Variants in BAZ2B observed in about 807,000 individuals in gnomAD.
The protein encoded by BAZ2B is bromodomain adjacent to zinc finger domain protein 2B.
In BAZ2B, 91 loss-of-function variants were observed where a neutral mutation model predicts 246.0. The ratio of observed to expected loss-of-function variants is 0.37; its 90% confidence interval spans 0.31 to 0.44. The LOEUF (loss-of-function observed/expected upper bound fraction) is 0.44. BAZ2B is among the 20% of genes least tolerant of loss of function. BAZ2B has a pLI of 1.00. For missense variants in BAZ2B, 2,332 were observed against 2,533.7 expected (o/e 0.92, Z 1.71); for synonymous variants, 855 against 860.0 (o/e 0.99, Z 0.10).
At chr2:159,683,471 C>G in the BAZ2B span, among the ~76,000 whole-genome samples, 1 of 152,176 alleles carries the variant, frequency 6.6e-6, no homozygotes, top group Non-Finnish European at 1.5e-5. Flanking sequence ...ACCACCACAA[C>G]CAAAATATAG....
intron 3 of BAZ2B, among the ~76,000 whole-genome samples, chr2:159,456,744 G>A (rs1362614510): frequency 2.0e-5 from 3 of 152,086 alleles, no homozygotes; most frequent in Non-Finnish European, 4.4e-5. Context: ...CCTTAGTGAC[G>A]ACTGAGTCTT....
chr2:159,431,439 T>C (rs1474293311), intron 9 of BAZ2B, among the ~76,000 whole-genome samples: 2 of 152,216 alleles, frequency 1.3e-5, no homozygotes, highest in African/African-American at 4.8e-5. Context: ...AAAATAATTT[T>C]TTATTTAACA....
chr2:159,496,374 C>T (rs13033410), intron 2 of BAZ2B, among the ~76,000 whole-genome samples: 1 of 36,354 alleles, frequency 2.8e-5, no homozygotes, highest in African/African-American at 1.0e-4. Context: ...AAGACTCCAT[C>T]TAAAAAAAAA....
intron 1 of BAZ2B, among the ~76,000 whole-genome samples, chr2:159,582,138 T>G (rs374584182): frequency 4.3e-4 from 66 of 152,342 alleles, no homozygotes; most frequent in African/African-American, 1.4e-3. Context: ...CATGGCAGAC[T>G]TCTGTTGCAT....
rs1259986781 is a variant in BAZ2B, at chr2:159,497,189, G to T, written c.-2-18468C>A. On this transcript the variant is annotated intron_variant, in intron 2 of 36. Transcript: ENST00000392783. ...TGCTCACTTCACTAAATTCGGAGTA[G>T]TGAGAGGGGTACAAAGGAGATGCAA... 5.9e-5 allele frequency among the ~76,000 whole-genome samples: 9 copies of T among 152,282 alleles called. No homozygotes were observed. The South Asian group carries it at 1.0e-3, about 18-fold the overall frequency.
the BAZ2B span, among the ~76,000 whole-genome samples, chr2:159,622,824 C>T: frequency 1.3e-5 from 2 of 151,892 alleles, no homozygotes; most frequent in Non-Finnish European, 2.9e-5. Context: ...CATGATGAGA[C>T]TGTCTCTACA....
intron 1 of BAZ2B, among the ~76,000 whole-genome samples, chr2:159,592,925 A>G (rs970433052): frequency 8.5e-5 from 13 of 152,222 alleles, no homozygotes; most frequent in African/African-American, 2.2e-4. Flanking sequence ...TTGATAAAGT[A>G]TCTTATTCAT....
intron 1 of BAZ2B, among the ~76,000 whole-genome samples, chr2:159,564,520 TAAG>T (rs995081591): frequency 6.6e-6 from 1 of 152,050 alleles, no homozygotes. Context: ...CAGGTAGAAA[TAAG>T]AAGACTATCA....
chr2:159,695,435 C>A, the BAZ2B span: 1 of 151,056 alleles, frequency 6.6e-6, no homozygotes, highest in Admixed American at 6.6e-5. Flanking sequence ...AAAAAAAAAC[C>A]ACTAGTAAGT....
intron 3 of BAZ2B, chr2:159,463,590 T>C (rs1396968679): frequency 6.6e-6 from 1 of 152,388 alleles, no homozygotes; most frequent in Non-Finnish European, 1.5e-5. Flanking sequence ...TGTGAGATGA[T>C]AGCTCATTGT....
At chr2:159,646,035 G>A in the BAZ2B span, among the ~76,000 whole-genome samples, 15 of 152,068 alleles carry the variant, frequency 9.9e-5, no homozygotes, top group African/African-American at 2.7e-4. Flanking sequence ...AGCAACCAAC[G>A]GGTCTGACCA....
intron 2 of BAZ2B, among the ~76,000 whole-genome samples, chr2:159,532,750 G>A (rs184782142): frequency 6.6e-6 from 1 of 152,208 alleles, no homozygotes. Flanking sequence ...CTGATAAAAG[G>A]ATTCTGTGTC....
Position 159,432,782 on chromosome 2 carries a change from A to T in BAZ2B, c.1875T>A (p.Asp625Glu), listed in dbSNP as rs1559394591. ...DEEEDEEDDEDDESDDSQSES... is the reference protein window; with the variant it reads ...DEEEDEEDDEEDESDDSQSES... The stretch of plus-strand genomic sequence containing the variant: ...CTGATTGGCTGTCATCAGATTCATC[A>T]TCTTCATCATCTTCCTCATCTTCTT... The change falls in exon 9 of 37, where the codon GAT (aspartate) becomes GAA (glutamate). Residue 625 changes from aspartate (D) to glutamate (E), a missense_variant. Asp to Glu is a conservative substitution (Grantham distance 45). Transcript: ENST00000392783. 1.9e-6 allele frequency: 3 copies of T among 1,612,780 alleles called. No homozygotes were observed. In the East Asian group the frequency reaches 6.7e-5, roughly 36 times the overall value.
chr2:159,555,120 GTC>G (rs2088921912), intron 2 of BAZ2B, among the ~76,000 whole-genome samples: 1 of 144,328 alleles, frequency 6.9e-6, no homozygotes, highest in Non-Finnish European at 1.5e-5. Flanking sequence ...TAGAGATGGA[GTC>G]TCTCTATTGC....
chr2:159,324,625 T>TAC (rs60009917), intron 36 of BAZ2B, among the ~76,000 whole-genome samples, 186 bp downstream of exon 36: 18 of 133,048 alleles, frequency 1.4e-4, no homozygotes, highest in Non-Finnish European at 1.6e-4. Flanking sequence ...TCTAACCAAA[T>TAC]ACACACACAC....
chr2:159,448,426 C>T lies in BAZ2B; in HGVS notation c.335-17G>A. The stretch of plus-strand genomic sequence containing the variant: ...ATTCTGCACCTCAAAACCAAACAAA[C>T]CAACCAAACAAAAATATATAAATTA... On this transcript the variant is annotated splice_polypyrimidine_tract_variant and intron_variant, in intron 4 of 36. Coordinates refer to ENST00000392783, the MANE Select transcript of BAZ2B (RefSeq NM_013450.4). The T allele has an allele frequency of 6.6e-7, 1 of 1,523,602 alleles. No homozygotes were observed. Among genetic ancestry groups the T allele is most frequent in the African/African-American group, 1.4e-5 (1 of 70,648 alleles). The allele number at this position is 1,523,602 out of a possible 1,614,324, so 94.4% of individuals were successfully genotyped here.
chr2:159,384,927 A>G (rs946595416), intron 23 of BAZ2B, among the ~76,000 whole-genome samples: 6 of 152,194 alleles, frequency 3.9e-5, no homozygotes, highest in African/African-American at 1.4e-4. Context: ...GACAAAGACC[A>G]CGTATTACAG....
the BAZ2B span, among the ~76,000 whole-genome samples, chr2:159,675,899 C>T: frequency 6.7e-6 from 1 of 149,422 alleles, no homozygotes; most frequent in Non-Finnish European, 1.5e-5. Flanking sequence ...CCCCTACGTT[C>T]GGCTTTTTCT....
chr2:159,555,716 C>T (rs1473581307), intron 2 of BAZ2B, 107 bp downstream of exon 2: 2 of 136,776 alleles, frequency 1.5e-5, no homozygotes, highest in Admixed American at 1.4e-4. Flanking sequence ...ATTCAACTGG[C>T]TAGCAAAAGA....
Sources: gnomAD v4.1 joint callset for allele counts (sites outside exome capture counted in the v4.1 genomes callset) on GRCh38, gnomAD v4.1.1 for gene constraint, MANE v1.5 for transcripts, NCBI Gene and HGNC (gene_info 2026-07-23, HGNC 2026-07-21) for gene names.